The following ZNF721 variants were observed in gnomAD, a reference collection of about 807,000 sequenced individuals.
ZNF721 encodes the protein zinc finger protein 721.
In ZNF721, 2 loss-of-function variants were observed where a neutral mutation model predicts 2.4. That is an observed-to-expected ratio of 0.82 (90% CI 0.34 to 2.58). The LOEUF (loss-of-function observed/expected upper bound fraction) is 2.58, where lower values mean the gene tolerates loss of function less well. ZNF721 is among the 30% of genes most tolerant of loss of function. The probability of loss-of-function intolerance (pLI) is 0.11; values close to 1 mark genes in which losing one functional copy is unlikely to be tolerated. For synonymous variants in ZNF721, 398 were observed against 381.8 expected (o/e 1.04, Z -0.50); for missense variants, 1,187 against 1,085.5 (o/e 1.09, Z -1.31).
intron 1 of ZNF721, among the ~76,000 whole-genome samples, chr4:475,065 T>C (rs1715592839): frequency 6.6e-6 from 1 of 151,980 alleles, no homozygotes; most frequent in Non-Finnish European, 1.5e-5. Context: ...GGGGCGCCTG[T>C]AGTCCCAGCT....
At position 442,520 on chromosome 4, in the gene ZNF721, G is replaced by A. The variant is rs1553863380; in HGVS notation, c.1947C>T (p.Ala649=). The change falls in exon 3 of 3, where the codon GCC becomes GCT. Residue 649 remains alanine (A), a synonymous_variant. Coordinates refer to ENST00000511833, the MANE Select transcript of ZNF721 (RefSeq NM_133474.4). ...KPYKCEECGK[A]FAPSTDLNQH... is the part of the protein sequence containing the mutation. The stretch of plus-strand genomic sequence containing the variant: ...GATTCAGGTCTGTTGATGGGGCAAA[G>A]GCTTTGCCACACTCTTCACATTTGT... 1 of 1,613,874 alleles carries A rather than the reference G, an allele frequency of 6.2e-7. No homozygotes were observed. The highest frequency in any genetic ancestry group is 8.5e-7 in the Non-Finnish European group (1 of 1,179,852).
Position 457,020 on chromosome 4 carries a change from T to A in ZNF721, c.35-12588A>T, listed in dbSNP as rs148600018. On this transcript the variant is annotated intron_variant, in intron 2 of 2. Transcript: ENST00000511833. ...TAGATGTATCATAAAAACAATCCTTTAACTACAGTTTTCAACTCTGACTAT... is the reference window on the plus strand; with the variant it reads ...TAGATGTATCATAAAAACAATCCTTAAACTACAGTTTTCAACTCTGACTAT... 7.3e-3 allele frequency among the ~76,000 whole-genome samples: 1,106 copies of A among 152,310 alleles called. 12 individuals are homozygous for A. The highest frequency in any genetic ancestry group is 0.071 in the Middle Eastern group (21 of 294).
chr4:456,556 TAC>T (rs1576958706), intron 2 of ZNF721, among the ~76,000 whole-genome samples: 1 of 152,166 alleles, frequency 6.6e-6, no homozygotes, highest in Non-Finnish European at 1.5e-5. Flanking sequence ...TCATAAAAGG[TAC>T]AGAGTTGAAA....
At position 443,163 on chromosome 4, in the gene ZNF721, T is replaced by C. The variant is rs782239918; in HGVS notation, c.1304A>G (p.Tyr435Cys). ...AFGLSTNLNE[Y>C]KKIHTGDKPY... ...TTTATCTCCAGTATGAATTTTCTTA[T>C]ATTCATTCAGGTTTGTGGACAATCC... Residue 435 changes from tyrosine (Y) to cysteine (C), a missense_variant, in exon 3 of 3, where the codon TAT becomes TGT. By Grantham distance (194) the Tyr-to-Cys change is radical. Transcript: ENST00000511833. The C allele has an allele frequency of 1.2e-6, 2 of 1,613,870 alleles. No individual in the cohort carries two copies. Among genetic ancestry groups the C allele is most frequent in the African/African-American group, 1.3e-5 (1 of 74,986 alleles).
At chr4:446,316 T>A (rs187642964) in intron 2 of ZNF721, among the ~76,000 whole-genome samples, 4 of 151,902 alleles carry the variant, frequency 2.6e-5, no homozygotes, top group Admixed American at 2.0e-4. Flanking sequence ...GGTAATAATA[T>A]ACCACATAAA....
intron 2 of ZNF721, among the ~76,000 whole-genome samples, chr4:456,084 T>G (rs916941194): frequency 3.3e-5 from 5 of 151,736 alleles, no homozygotes; most frequent in Non-Finnish European, 5.9e-5. Flanking sequence ...ATTTATTTAT[T>G]TATTGAGATG....
intron 2 of ZNF721, among the ~76,000 whole-genome samples, chr4:469,665 T>C (rs1715371152): frequency 6.6e-6 from 1 of 152,180 alleles, no homozygotes; most frequent in African/African-American, 2.4e-5. Context: ...TACTTCTTAA[T>C]TTTAAACTTT....
At chr4:477,774 A>G (rs951362777) in intron 1 of ZNF721, among the ~76,000 whole-genome samples, 1 of 152,052 alleles carries the variant, frequency 6.6e-6, no homozygotes, top group Admixed American at 6.6e-5. Context: ...AAGAAAGAAC[A>G]CCCTGATACA....
In ZNF721 at chr4:442,358, G is replaced by A; in HGVS notation, c.2109C>T (p.Gly703=). 6.2e-7 allele frequency: 1 copy of A among 1,613,952 alleles called. No individual in the cohort carries two copies. The highest frequency in any genetic ancestry group is 8.5e-7 in the Non-Finnish European group (1 of 1,179,920). ...GEKPYKCEEC[G]KAFSRSRNLT... The stretch of plus-strand genomic sequence containing the variant: ...GGTTTCTTGACCTACTAAAGGCTTT[G>A]CCACACTCTTCACATTTGTAAGGTT... Residue 703 remains glycine (G), a synonymous_variant, in exon 3 of 3, where the codon GGC becomes GGT. Coordinates refer to ENST00000511833, the MANE Select transcript of ZNF721 (RefSeq NM_133474.4).
chr4:445,243 A>C (rs1034265999), intron 2 of ZNF721, among the ~76,000 whole-genome samples: 1 of 152,078 alleles, frequency 6.6e-6, no homozygotes, highest in African/African-American at 2.4e-5. Flanking sequence ...TCAGCCTCCT[A>C]AAGTTGCTGG....
intron 1 of ZNF721, among the ~76,000 whole-genome samples, chr4:473,675 T>A (rs1392504004): frequency 2.6e-5 from 4 of 152,156 alleles, no homozygotes; most frequent in Non-Finnish European, 5.9e-5. Context: ...GGACCACAGC[T>A]CCTCCTACGC....
chr4:469,062 T>C (rs2108709314), intron 2 of ZNF721, among the ~76,000 whole-genome samples: 1 of 152,282 alleles, frequency 6.6e-6, no homozygotes, highest in East Asian at 1.9e-4. Context: ...TTCATTAAGG[T>C]ATCAGGATAC....
At chr4:487,089 C>T (rs1715915847) in intron 1 of ZNF721, among the ~76,000 whole-genome samples, 1 of 152,152 alleles carries the variant, frequency 6.6e-6, no homozygotes, top group African/African-American at 2.4e-5. Flanking sequence ...GACACATCTA[C>T]AAGAAAAGTC....
chr4:452,268 G>A (rs1241648072), intron 2 of ZNF721, among the ~76,000 whole-genome samples: 1 of 152,122 alleles, frequency 6.6e-6, no homozygotes, highest in Non-Finnish European at 1.5e-5. Context: ...CTCAAGGATG[G>A]GAAATTAACC....
chr4:447,823 G>T (rs1232868267), intron 2 of ZNF721, among the ~76,000 whole-genome samples: 2 of 135,686 alleles, frequency 1.5e-5, no homozygotes, highest in African/African-American at 5.8e-5. Flanking sequence ...TAATAAAAAC[G>T]TTCCTTTACT....
chr4:483,103 T>C (rs1362681625), intron 1 of ZNF721, among the ~76,000 whole-genome samples: 2 of 152,132 alleles, frequency 1.3e-5, no homozygotes, highest in Non-Finnish European at 2.9e-5. Context: ...AAAGTGGGGA[T>C]GGGGAAGGAG....
intron 1 of ZNF721, among the ~76,000 whole-genome samples, chr4:485,638 T>C (rs1305501904): frequency 9.9e-5 from 15 of 152,210 alleles, no homozygotes; most frequent in Non-Finnish European, 2.2e-4. Flanking sequence ...CATGGTTGCA[T>C]ATTGTAATCA....
intron 1 of ZNF721, among the ~76,000 whole-genome samples, chr4:497,607 G>A (rs1716235915): frequency 6.6e-6 from 1 of 151,982 alleles, no homozygotes; most frequent in Non-Finnish European, 1.5e-5. Flanking sequence ...TAACAGGCCG[G>A]ACAGGGCGCG....
intron 1 of ZNF721, among the ~76,000 whole-genome samples, chr4:474,620 T>G (rs896721799): frequency 2.0e-5 from 3 of 152,214 alleles, no homozygotes; most frequent in Non-Finnish European, 4.4e-5. Flanking sequence ...CTCACGCCAG[T>G]AATCCCAAAG....
Sources: gnomAD v4.1 joint callset for allele counts (sites outside exome capture counted in the v4.1 genomes callset) on GRCh38, gnomAD v4.1.1 for gene constraint, MANE v1.5 for transcripts, NCBI Gene and HGNC (gene_info 2026-07-23, HGNC 2026-07-21) for gene names.